Variants in SEMA3C observed in about 807,000 individuals in gnomAD.
SEMA3C encodes semaphorin 3C.
SEMA3C carries 47 observed loss-of-function variants against 89.4 expected under a neutral mutation model. The ratio of observed to expected loss-of-function variants is 0.53; its 90% CI spans 0.42 to 0.67. The LOEUF (loss-of-function observed/expected upper bound fraction) is 0.67. SEMA3C is among the 30% of genes least tolerant of loss of function. The probability of loss-of-function intolerance (pLI) is 0.00; values close to 1 mark genes in which losing one functional copy is unlikely to be tolerated. For missense variants in SEMA3C, 839 were observed against 929.1 expected, an observed-to-expected ratio of 0.90 and a Z score of 1.26; for synonymous variants, 310 against 320.2, an observed-to-expected ratio of 0.97 and a Z score of 0.34.
chr7:80,921,533 T>C (rs1259299240), upstream of SEMA3C, among the ~76,000 whole-genome samples: 1 of 152,164 alleles, frequency 6.6e-6, no homozygotes, highest in African/African-American at 2.4e-5. Context: ...GCACTACCAC[T>C]TTTTTAAGAC....
intron 11 of SEMA3C, among the ~76,000 whole-genome samples, chr7:80,794,485 T>C (rs1265471448): frequency 2.0e-5 from 3 of 152,060 alleles, no homozygotes; most frequent in Non-Finnish European, 4.4e-5. Context: ...TACTCTAATG[T>C]AAGCACAACC....
chr7:80,804,636 T>C lies in SEMA3C; in HGVS notation c.659-388A>G, dbSNP rs866995218. On this transcript the variant is annotated intron_variant, in intron 7 of 17. Coordinates refer to ENST00000265361, the MANE Select transcript of SEMA3C (RefSeq NM_006379.5). Reference sequence around the variant, plus strand: ...AGAATGAGGAGTTGGAAGTCCAAACTCTGAAAAACATGACTTTTCTTAAAA... The same window carrying C: ...AGAATGAGGAGTTGGAAGTCCAAACCCTGAAAAACATGACTTTTCTTAAAA... Among the ~76,000 whole-genome samples the C allele has an allele frequency of 2.9e-4, 44 of 152,226 alleles. 1 individual carries two copies. Among genetic ancestry groups the C allele is most frequent in the Non-Finnish European group, 4.0e-4 (27 of 67,980 alleles).
At chr7:80,779,527 AC>A (rs1489910336) in intron 12 of SEMA3C, among the ~76,000 whole-genome samples, 2 of 152,072 alleles carry the variant, frequency 1.3e-5, no homozygotes, top group Non-Finnish European at 2.9e-5. Flanking sequence ...GTCATTTCTA[AC>A]CCCTGTCTTA....
chr7:80,827,338 A>G, intron 4 of SEMA3C, 87 bp downstream of exon 4: 2 of 1,338,360 alleles, frequency 1.5e-6, no homozygotes, highest in Non-Finnish European at 2.0e-6. Context: ...TCCTTGTCTC[A>G]TTTTTGGCTT....
intron 2 of SEMA3C, among the ~76,000 whole-genome samples, chr7:80,840,405 G>A (rs2115874058): frequency 6.6e-6 from 1 of 151,188 alleles, no homozygotes; most frequent in East Asian, 2.0e-4. Flanking sequence ...TGTAGTCCCA[G>A]CTACTCAGGA....
chr7:80,881,238 T>C (rs1791333748), intron 2 of SEMA3C, among the ~76,000 whole-genome samples: 1 of 151,276 alleles, frequency 6.6e-6, no homozygotes, highest in Non-Finnish European at 1.5e-5. Context: ...TTTTCAATCA[T>C]TTTAACCAAG....
intron 2 of SEMA3C, among the ~76,000 whole-genome samples, chr7:80,843,205 G>A (rs1214451059): frequency 6.6e-6 from 1 of 152,080 alleles, no homozygotes; most frequent in African/African-American, 2.4e-5. Context: ...GAGAGGACCT[G>A]AATCGTTTCC....
At position 80,790,668 on chromosome 7, in the gene SEMA3C, G is replaced by T. The variant is rs752384189; in HGVS notation, c.1132-1140C>A. Among the ~76,000 whole-genome samples, 31 of 152,082 alleles carry T rather than the reference G, an allele frequency of 2.0e-4. 1 individual carries two copies. The highest frequency in any genetic ancestry group is 3.5e-4 in the Non-Finnish European group (24 of 68,016). ...ACATTCAGTTCTCAGTTCAAAAGTTGCTTCTTGAAAGTGATGACATATAAA... is the reference window on the plus strand; with the variant it reads ...ACATTCAGTTCTCAGTTCAAAAGTTTCTTCTTGAAAGTGATGACATATAAA... On this transcript the variant is annotated intron_variant, in intron 11 of 17. Transcript: ENST00000265361.
rs77106396 is a variant in SEMA3C at position 80,773,730 on chromosome 7, A to G, written c.1355-8487T>C. On this transcript the variant is annotated intron_variant, in intron 12 of 17. Transcript: ENST00000265361. Reference sequence around the variant, plus strand: ...CAGAAAGAAATCAATTCTGTGGTACAGAGTGTCAGAGCAAGGGAGGTGTCC... The same window carrying G: ...CAGAAAGAAATCAATTCTGTGGTACGGAGTGTCAGAGCAAGGGAGGTGTCC... Among the ~76,000 whole-genome samples the G allele has an allele frequency of 6.0e-3, 917 of 152,304 alleles. 57 individuals carry two copies. The East Asian group carries it at 0.14, about 24-fold the overall frequency.
chr7:80,853,158 A>G (rs1790556060), intron 2 of SEMA3C, among the ~76,000 whole-genome samples: 1 of 152,096 alleles, frequency 6.6e-6, no homozygotes, highest in Non-Finnish European at 1.5e-5. Flanking sequence ...ATCTTTCCAT[A>G]CTATTGATGA....
At chr7:80,921,216 G>A (rs377399026), upstream of SEMA3C, among the ~76,000 whole-genome samples, 6 of 152,144 alleles carry the variant, frequency 3.9e-5, no homozygotes, top group East Asian at 3.9e-4. Flanking sequence ...AATTTGTGCC[G>A]AAATTCCCTC....
chr7:80,755,308 AG>A (rs1177646012), intron 15 of SEMA3C, among the ~76,000 whole-genome samples: 6 of 150,878 alleles, frequency 4.0e-5, no homozygotes. Flanking sequence ...GGGTTGTAAT[AG>A]GTGGGAAAAC....
At chr7:80,902,850 AGCCATTAGCCCATG>A (rs1181251771) in intron 2 of SEMA3C, among the ~76,000 whole-genome samples, 1 of 152,204 alleles carries the variant, frequency 6.6e-6, no homozygotes, top group Non-Finnish European at 1.5e-5. Flanking sequence ...CAGAACTGCC[AGCCATTAGCCCATG>A]GCTTTTCTGC....
At chr7:80,782,441 A>G (rs1401003328) in intron 12 of SEMA3C, among the ~76,000 whole-genome samples, 1 of 152,186 alleles carries the variant, frequency 6.6e-6, no homozygotes, top group Non-Finnish European at 1.5e-5. Flanking sequence ...TATTATCATG[A>G]TATATGTGGA....
At chr7:80,840,899 G>A (rs1790252224) in intron 2 of SEMA3C, among the ~76,000 whole-genome samples, 1 of 152,168 alleles carries the variant, frequency 6.6e-6, no homozygotes, top group South Asian at 2.1e-4. Flanking sequence ...AAACAATCAT[G>A]TAAACTTTGA....
At chr7:80,881,917 G>A (rs556783360) in intron 2 of SEMA3C, among the ~76,000 whole-genome samples, 1 of 151,572 alleles carries the variant, frequency 6.6e-6, no homozygotes, top group East Asian at 1.9e-4. Flanking sequence ...ATCTATTGGG[G>A]GACAAAACAC....
At chr7:80,916,133 T>C (rs894388194) in intron 2 of SEMA3C, among the ~76,000 whole-genome samples, 17 of 152,238 alleles carry the variant, frequency 1.1e-4, no homozygotes, top group African/African-American at 3.9e-4. Flanking sequence ...ATCAAAAGCA[T>C]ATTTCCAATT....
intron 2 of SEMA3C, among the ~76,000 whole-genome samples, chr7:80,841,552 C>T (rs1790268815): frequency 6.6e-6 from 1 of 152,090 alleles, no homozygotes; most frequent in Non-Finnish European, 1.5e-5. Flanking sequence ...ATGACAGAAA[C>T]ATCAGCATCT....
intron 2 of SEMA3C, among the ~76,000 whole-genome samples, chr7:80,862,164 C>T (rs1054361971): frequency 2.0e-5 from 3 of 152,070 alleles, no homozygotes; most frequent in Non-Finnish European, 4.4e-5. Context: ...TCACTGTTTG[C>T]TGATGATAGG....
Sources: gnomAD v4.1 joint callset for allele counts (sites outside exome capture counted in the v4.1 genomes callset) on GRCh38, gnomAD v4.1.1 for gene constraint, MANE v1.5 for transcripts, NCBI Gene and HGNC (gene_info 2026-07-23, HGNC 2026-07-21) for gene names.